The following VWA8 variants were observed in gnomAD, a reference collection of about 807,000 sequenced individuals.
The protein encoded by VWA8 is von Willebrand factor A domain containing 8, also known as von Willebrand factor A domain-containing protein 8.
A neutral mutation model predicts 241.5 loss-of-function variants in VWA8; 221 were observed. That is an observed-to-expected ratio of 0.91 (90% CI 0.82 to 1.02). VWA8 has a LOEUF of 1.02. Among genes scored for constraint, VWA8 ranks in the 50% least tolerant of loss-of-function variants. The pLI is 0.00. For synonymous variants in VWA8, 852 were observed against 827.1 expected, an observed-to-expected ratio of 1.03 and a Z score of -0.52; for missense variants, 2,322 against 2,328.7, an observed-to-expected ratio of 1.00 and a Z score of 0.06.
At chr13:41,571,866 C>T (rs370640267) in intron 43 of VWA8, among the ~76,000 whole-genome samples, 3 of 147,082 alleles carry the variant, frequency 2.0e-5, no homozygotes, top group East Asian at 2.1e-4. Context: ...AAGTGAGGGG[C>T]GCCTCTTCCC....
In VWA8 at chr13:41,787,476, T is replaced by G. The variant is rs1004429836; in HGVS notation, c.2131A>C (p.Thr711Pro). Reference protein sequence around the residue: ...NLADATIEINTDDNLEPELKD... With the variant: ...NLADATIEINPDDNLEPELKD... ...AGTTCTGGCTCCAAATTGTCATCAG[T>G]ATTTATTTCTATTGTAGCATCTGCC... is the stretch of plus-strand genomic sequence containing the variant. The change falls in exon 18 of 45, where the codon ACT becomes CCT. Residue 711 changes from threonine (T) to proline (P), a missense_variant. Physicochemically the swap from Thr to Pro is conservative, Grantham distance 38. Transcript: ENST00000379310. The G allele has an allele frequency of 2.5e-6, 4 of 1,612,630 alleles. No homozygotes were observed. Among genetic ancestry groups the G allele is most frequent in the Non-Finnish European group, 2.5e-6 (3 of 1,179,296 alleles).
chr13:41,623,839 T>C (rs753752313), intron 37 of VWA8, among the ~76,000 whole-genome samples: 3 of 152,138 alleles, frequency 2.0e-5, no homozygotes, highest in Non-Finnish European at 4.4e-5. Context: ...TATACCTGCC[T>C]AAAACAAAAT....
At chr13:41,693,288 T>C (rs2045192253) in intron 29 of VWA8, among the ~76,000 whole-genome samples, 1 of 152,012 alleles carries the variant, frequency 6.6e-6, no homozygotes, top group Non-Finnish European at 1.5e-5. Context: ...ATAAGCTAGT[T>C]GAACCATGAT....
chr13:41,794,033 G>A (rs1869576041), intron 17 of VWA8, among the ~76,000 whole-genome samples: 1 of 151,206 alleles, frequency 6.6e-6, no homozygotes, highest in Non-Finnish European at 1.5e-5. Context: ...TGTTGTTTTG[G>A]TTACTGTAGC....
rs1344821105 is a variant in VWA8, at chr13:41,732,128, A to C, written c.2454T>G (p.Leu818=). 6.2e-7 allele frequency: 1 copy of C among 1,613,348 alleles called. No individual in the cohort carries two copies. The highest frequency in any genetic ancestry group is 2.2e-5 in the East Asian group (1 of 44,826). Residue 818 remains leucine, a synonymous_variant, in exon 22 of 45, where the codon CTT becomes CTG. Coordinates refer to ENST00000379310, the MANE Select transcript of VWA8 (RefSeq NM_015058.2). Reference sequence around the variant, plus strand: ...TAAGTCCGTCTTTAACCGAAGGCTGAAGCGTAAGAGTTTGTACTGTGGTAT... The same window carrying C: ...TAAGTCCGTCTTTAACCGAAGGCTGCAGCGTAAGAGTTTGTACTGTGGTAT... ...HRDTTVQTLT[L]QPSVKDGLIV...
intron 26 of VWA8, among the ~76,000 whole-genome samples, chr13:41,703,998 G>T (rs2045267216): frequency 6.6e-6 from 1 of 152,018 alleles, no homozygotes. Flanking sequence ...GACCTCAGGT[G>T]ATCTGCCCGC....
Position 41,701,504 on chromosome 13 carries a change from C to T in VWA8, c.3252G>A (p.Glu1084=), listed in dbSNP as rs752822645. ...IKGPALINIQ[E]YPIERHEERS... ...TTTCTTCATGTCTTTCTATTGGATACTCCTGTATATTTATAAGTGCTGGAC... is the reference window on the plus strand; with the variant it reads ...TTTCTTCATGTCTTTCTATTGGATATTCCTGTATATTTATAAGTGCTGGAC... The change falls in exon 28 of 45, where the codon GAG becomes GAA. Residue 1084 remains glutamate (E), a synonymous_variant. Coordinates refer to ENST00000379310, the MANE Select transcript of VWA8 (RefSeq NM_015058.2). 2.7e-5 allele frequency: 44 copies of T among 1,609,998 alleles called. No homozygotes were observed. Among genetic ancestry groups the T allele is most frequent in the Non-Finnish European group, 3.5e-5 (41 of 1,178,442 alleles).
At chr13:41,572,579 CA>C (rs770843070) in intron 43 of VWA8, among the ~76,000 whole-genome samples, 17 of 152,012 alleles carry the variant, frequency 1.1e-4, no homozygotes, top group Non-Finnish European at 2.4e-4. Flanking sequence ...CTTTGTTAAA[CA>C]GATGCTTGAA....
chr13:41,885,569 G>T (rs964328741), intron 8 of VWA8, among the ~76,000 whole-genome samples: 2 of 152,210 alleles, frequency 1.3e-5, no homozygotes, highest in African/African-American at 4.8e-5. Flanking sequence ...ATGGAAGCTA[G>T]AACAGTGTGA....
Position 41,961,033 on chromosome 13 carries a change from C to A in VWA8, c.-18G>T, listed in dbSNP as rs1455569271. Reference sequence around the variant, plus strand: ...GATTGCATGGCGCCGGGGGGGCTGTCGGGGACGGCGAGGGGGCTCGGGGAT... The same window carrying A: ...GATTGCATGGCGCCGGGGGGGCTGTAGGGGACGGCGAGGGGGCTCGGGGAT... On this transcript the variant is annotated 5_prime_UTR_variant, in exon 1 of 45. Transcript: ENST00000379310. 1 of 1,329,296 alleles carries A rather than the reference C, an allele frequency of 7.5e-7. No homozygotes were observed. The highest frequency in any genetic ancestry group is 1.8e-5 in the South Asian group (1 of 54,294). The allele number at this position is 1,329,296 out of a possible 1,614,324, so 82.3% of individuals were successfully genotyped here.
intron 43 of VWA8, among the ~76,000 whole-genome samples, chr13:41,571,029 A>T (rs1593620650): frequency 6.6e-6 from 1 of 152,216 alleles, no homozygotes; most frequent in East Asian, 1.9e-4. Flanking sequence ...ACATTGGAGG[A>T]TGCAGATGAC....
intron 42 of VWA8, among the ~76,000 whole-genome samples, chr13:41,581,696 C>CTT (rs10710306): frequency 1.3e-5 from 2 of 148,966 alleles, no homozygotes; most frequent in African/African-American, 4.9e-5. Flanking sequence ...GTTTAAGTTT[C>CTT]TTTTTTTTTT....
intron 12 of VWA8, among the ~76,000 whole-genome samples, chr13:41,859,981 G>A (rs1240994024): frequency 6.6e-6 from 1 of 152,034 alleles, no homozygotes; most frequent in Non-Finnish European, 1.5e-5. Context: ...TCATCAATGT[G>A]CACTATATTA....
At chr13:41,883,330 A>T (rs1374496645) in intron 9 of VWA8, 57 bp downstream of exon 9, 2 of 1,409,330 alleles carry the variant, frequency 1.4e-6, no homozygotes, top group Admixed American at 1.7e-5. Context: ...AAGATGGGAA[A>T]AGGCAAGGGA....
chr13:41,596,543 C>G (rs746463810), intron 40 of VWA8, among the ~76,000 whole-genome samples: 1 of 151,924 alleles, frequency 6.6e-6, no homozygotes. Flanking sequence ...ATTCCTATTG[C>G]ATGAAGTAAA....
At chr13:41,716,583 T>C (rs1211699506) in intron 26 of VWA8, among the ~76,000 whole-genome samples, 1 of 152,082 alleles carries the variant, frequency 6.6e-6, no homozygotes, top group Non-Finnish European at 1.5e-5. Context: ...ATCTGACTTA[T>C]ATCTCTTTTT....
intron 37 of VWA8, among the ~76,000 whole-genome samples, chr13:41,635,928 C>A (rs1248278875): frequency 1.3e-5 from 2 of 152,112 alleles, no homozygotes; most frequent in Non-Finnish European, 2.9e-5. Flanking sequence ...CAAAGAGCCC[C>A]TTGTCTGTGA....
intron 20 of VWA8, among the ~76,000 whole-genome samples, chr13:41,762,567 T>C (rs1489966612): frequency 6.6e-6 from 1 of 152,166 alleles, no homozygotes; most frequent in East Asian, 1.9e-4. Context: ...AGTTATCTCC[T>C]TTCTCACTTC....
chr13:41,852,281 T>C lies in VWA8; in HGVS notation c.1425+13455A>G, dbSNP rs552153677. On this transcript the variant is annotated intron_variant, in intron 12 of 44. Transcript: ENST00000379310. ...TGTCTATTCAGGTTCTTTGCCCATTTTAAAACTGGGTTGTTTTATTGCTAC... is the reference window on the plus strand; with the variant it reads ...TGTCTATTCAGGTTCTTTGCCCATTCTAAAACTGGGTTGTTTTATTGCTAC... 5.9e-5 allele frequency among the ~76,000 whole-genome samples: 9 copies of C among 152,338 alleles called. No homozygotes were observed. In the South Asian group the frequency reaches 1.9e-3, roughly 32 times the overall value.
Sources: gnomAD v4.1 joint callset for allele counts (sites outside exome capture counted in the v4.1 genomes callset) on GRCh38, gnomAD v4.1.1 for gene constraint, MANE v1.5 for transcripts, NCBI Gene and HGNC (gene_info 2026-07-23, HGNC 2026-07-21) for gene names.